ZNF385D: variants seen among roughly 807,000 people sequenced by gnomAD.
The protein encoded by ZNF385D is zinc finger protein 385D.
In ZNF385D, 15 loss-of-function variants were observed where a neutral mutation model predicts 35.8. The observed-to-expected ratio is 0.42, with a 90% CI of 0.28 to 0.64. The LOEUF (loss-of-function observed/expected upper bound fraction) is 0.64. ZNF385D is among the 30% of genes least tolerant of loss of function. ZNF385D has a pLI of 0.23. For missense variants in ZNF385D, 474 were observed against 494.6 expected (o/e 0.96, Z 0.39); for synonymous variants, 212 against 186.8 (o/e 1.13, Z -1.10).
intron 1 of ZNF385D, among the ~76,000 whole-genome samples, chr3:21,732,403 C>T (rs1359064082): frequency 1.3e-5 from 2 of 151,970 alleles, no homozygotes; most frequent in African/African-American, 4.8e-5. Flanking sequence ...AGGGTAAATA[C>T]CAAGAAAGAT....
chr3:21,460,553 A>G (rs903595054), intron 4 of ZNF385D, among the ~76,000 whole-genome samples: 10 of 152,224 alleles, frequency 6.6e-5, no homozygotes, highest in Admixed American at 6.5e-4. Context: ...CAGCTTGGAA[A>G]TGAAATCTTT....
At chr3:22,143,800 C>T (rs1341569691) in intron 3 of ZNF385D, among the ~76,000 whole-genome samples, 1 of 152,154 alleles carries the variant, frequency 6.6e-6, no homozygotes, top group Non-Finnish European at 1.5e-5. Context: ...TTGAATTCAT[C>T]TTCCAGCCCA....
At chr3:22,160,089 C>T (rs1705849679) in intron 3 of ZNF385D, among the ~76,000 whole-genome samples, 1 of 151,966 alleles carries the variant, frequency 6.6e-6, no homozygotes, top group African/African-American at 2.4e-5. Context: ...GAAGAAGGTG[C>T]CTTGCTTCTC....
intron 4 of ZNF385D, among the ~76,000 whole-genome samples, chr3:21,500,850 G>C (rs1405606000): frequency 6.6e-6 from 1 of 152,152 alleles, no homozygotes; most frequent in East Asian, 1.9e-4. Flanking sequence ...TGTTTAGCTG[G>C]AAAGCCCCAG....
At chr3:22,107,259 GTGATT>G (rs1286282601) in intron 3 of ZNF385D, among the ~76,000 whole-genome samples, 2 of 151,860 alleles carry the variant, frequency 1.3e-5, no homozygotes, top group Non-Finnish European at 2.9e-5. Flanking sequence ...CCGACCTCAG[GTGATT>G]TGCCTGCCTT....
chr3:21,527,864 G>A (rs1289421542), intron 3 of ZNF385D, among the ~76,000 whole-genome samples: 3 of 152,060 alleles, frequency 2.0e-5, no homozygotes, highest in African/African-American at 7.2e-5. Context: ...GGATTTTTAC[G>A]TGAGCACTAA....
chr3:21,893,139 G>T (rs1698965272), intron 3 of ZNF385D, among the ~76,000 whole-genome samples: 1 of 152,112 alleles, frequency 6.6e-6, no homozygotes, highest in African/African-American at 2.4e-5. Flanking sequence ...AGAGCTTTAA[G>T]TTTCTCATCT....
At chr3:22,076,071 AT>A (rs977862856) in intron 3 of ZNF385D, among the ~76,000 whole-genome samples, 4 of 151,836 alleles carry the variant, frequency 2.6e-5, no homozygotes, top group Non-Finnish European at 4.4e-5. Flanking sequence ...AACTACTGTA[AT>A]TTTTTTTACG....
intron 3 of ZNF385D, among the ~76,000 whole-genome samples, chr3:22,147,423 G>C (rs554385415): frequency 6.6e-6 from 1 of 152,238 alleles, no homozygotes; most frequent in East Asian, 1.9e-4. Context: ...ATGCTATCCT[G>C]AGGCTTTTGC....
In ZNF385D at chr3:22,144,194, A is replaced by G. The variant is rs1030280762; in HGVS notation, c.325+24623T>C. Among the ~76,000 whole-genome samples the G allele has an allele frequency of 2.0e-5, 3 of 152,252 alleles. No homozygotes were observed. The East Asian group carries it at 5.8e-4, about 29-fold the overall frequency. On this transcript the variant is annotated intron_variant, in intron 3 of 5. Coordinates refer to the ZNF385D transcript ENST00000494108. ...AGTTATAATTTTACAAAAAATAACT[A>G]CAGAACCAGGAGTTCAAAAATAGAG...
chr3:21,585,239 G>T (rs2063776831), intron 2 of ZNF385D, among the ~76,000 whole-genome samples: 2 of 152,030 alleles, frequency 1.3e-5, no homozygotes, highest in African/African-American at 2.4e-5. Flanking sequence ...TAAATAATAG[G>T]CTTTCTAAGT....
chr3:22,352,143 A>G (rs970052444), intron 2 of ZNF385D, among the ~76,000 whole-genome samples: 2 of 152,190 alleles, frequency 1.3e-5, no homozygotes, highest in East Asian at 1.9e-4. Flanking sequence ...GAAGTCTGTA[A>G]TAAGTTTAAG....
chr3:21,538,780 T>C (rs2062101075), intron 3 of ZNF385D, among the ~76,000 whole-genome samples: 1 of 152,168 alleles, frequency 6.6e-6, no homozygotes, highest in Admixed American at 6.5e-5. Flanking sequence ...AGGGAAACTC[T>C]TCTTTAAGTT....
At chr3:22,119,980 T>A (rs77134981) in intron 3 of ZNF385D, among the ~76,000 whole-genome samples, 1,835 of 127,276 alleles carry the variant, frequency 0.014, 21 homozygotes, top group Admixed American at 0.024. Context: ...ACATACTCAA[T>A]TTTTTTTCTT....
intron 3 of ZNF385D, among the ~76,000 whole-genome samples, chr3:21,919,921 T>G (rs35063591): frequency 0.12 from 18,206 of 152,246 alleles, 1,458 homozygotes; most frequent in South Asian, 0.27. Context: ...AAGACTTTCG[T>G]GTGCCTTACT....
intron 3 of ZNF385D, among the ~76,000 whole-genome samples, chr3:21,548,512 T>A (rs970548952): frequency 1.3e-5 from 2 of 152,224 alleles, no homozygotes; most frequent in Admixed American, 1.3e-4. Flanking sequence ...GTTTTACCCA[T>A]GCTTAATCCT....
At chr3:21,751,421 G>C, upstream of ZNF385D, 1 of 1,006,878 alleles carries the variant, frequency 9.9e-7, no homozygotes, top group Non-Finnish European at 1.2e-6. Context: ...ACACACAGGA[G>C]AAATTCACCA....
At chr3:21,864,912 G>C (rs1235261910) in intron 3 of ZNF385D, among the ~76,000 whole-genome samples, 1 of 150,314 alleles carries the variant, frequency 6.7e-6, no homozygotes, top group East Asian at 2.0e-4. Flanking sequence ...AGAGTTTATA[G>C]TGCTACTTAC....
intron 3 of ZNF385D, among the ~76,000 whole-genome samples, chr3:22,033,191 C>G (rs547586476): frequency 2.3e-4 from 35 of 152,122 alleles, no homozygotes; most frequent in Non-Finnish European, 4.1e-4. Context: ...AGCTTGAGCT[C>G]AGGCATTCGA....
Sources: allele counts gnomAD v4.1 joint callset (sites outside exome capture counted in the v4.1 genomes callset), GRCh38; gene constraint gnomAD v4.1.1; transcripts MANE v1.5; gene names NCBI Gene and HGNC (gene_info 2026-07-23, HGNC 2026-07-21).